The following CACNB3 variants were observed in gnomAD, a reference collection of about 807,000 sequenced individuals.
CACNB3 encodes the protein calcium voltage-gated channel auxiliary subunit beta 3, also known as voltage-dependent L-type calcium channel subunit beta-3.
A neutral mutation model predicts 63.7 loss-of-function variants in CACNB3; 36 were observed. The observed-to-expected ratio is 0.57, with a 90% CI of 0.43 to 0.75. The LOEUF is 0.75. Ranked by LOEUF, CACNB3 falls within the 30% of genes least tolerant of loss-of-function variation. The pLI, the probability that CACNB3 is intolerant of heterozygous loss-of-function variation, is 0.00. For missense variants in CACNB3, 493 were observed against 648.6 expected, an observed-to-expected ratio of 0.76 and a Z score of 2.61; for synonymous variants, 241 against 250.6, an observed-to-expected ratio of 0.96 and a Z score of 0.36.
rs138031405 is a variant in CACNB3, at chr12:48,827,436, G to A, written c.1141-149G>A. On this transcript the variant is annotated intron_variant, in intron 12 of 12. Transcript: ENST00000301050. Reference sequence around the variant, plus strand: ...AGTCGAAGCTCCAGTTTTCTCTCTCGGAAGAGGAAAAATGCTCCAGCATGC... The same window carrying A: ...AGTCGAAGCTCCAGTTTTCTCTCTCAGAAGAGGAAAAATGCTCCAGCATGC... The A allele has an allele frequency of 2.0e-4, 167 of 853,762 alleles. 1 individual carries two copies. The African/African-American group carries it at 2.6e-3, about 13-fold the overall frequency. The allele number at this position is 853,762 out of a possible 1,614,324, so 52.9% of individuals were successfully genotyped here. A position where few individuals can be genotyped will look rare whatever the true frequency, so the allele number is the denominator to read the frequency against.
chr12:48,818,773 C>G lies in CACNB3; in HGVS notation c.-157C>G, dbSNP rs961853594. On this transcript the variant is annotated 5_prime_UTR_variant, in exon 1 of 13. Transcript: ENST00000301050. The surrounding 1 kb of genome is among the most constrained non-coding windows in gnomAD (Gnocchi z 4.3). Reference sequence around the variant, plus strand: ...CTGAGCTCCGAGCAGCTGGTCTTCGCGGCTCGCTCCCTCCTTCGCGCTCTC... The same window carrying G: ...CTGAGCTCCGAGCAGCTGGTCTTCGGGGCTCGCTCCCTCCTTCGCGCTCTC... The G allele has an allele frequency of 8.9e-6, 12 of 1,345,964 alleles. No homozygotes were observed. Among genetic ancestry groups the G allele is most frequent in the Middle Eastern group, 5.6e-4 (2 of 3,552 alleles). The allele number at this position is 1,345,964 out of a possible 1,614,324, so 83.4% of individuals were successfully genotyped here.
In CACNB3 at chr12:48,824,255, C is replaced by A. The variant is rs942572860; in HGVS notation, c.292-3C>A. 1 of 1,609,906 alleles carries A rather than the reference C, an allele frequency of 6.2e-7. No individual in the cohort carries two copies. The highest frequency in any genetic ancestry group is 1.3e-5 in the African/African-American group (1 of 74,848). ...CACCCCTTCCTGCTCCACCTGCCCC[C>A]AGAAGTACAGCAATGACTGGTGGAT... On this transcript the variant is annotated splice_polypyrimidine_tract_variant and splice_region_variant and intron_variant, in intron 3 of 12. Coordinates refer to ENST00000301050, the MANE Select transcript of CACNB3 (RefSeq NM_000725.4).
chr12:48,818,362 G>A, upstream of CACNB3: 2 of 749,564 alleles, frequency 2.7e-6, no homozygotes, highest in Non-Finnish European at 3.3e-6. The surrounding 1 kb of genome is among the most constrained non-coding windows in gnomAD (Gnocchi z 4.3). Flanking sequence ...CGGTCTCAGC[G>A]CCCCCTCCCT....
upstream of CACNB3, chr12:48,815,468 A>C: frequency 8.8e-7 from 1 of 1,141,758 alleles, no homozygotes; most frequent in Non-Finnish European, 1.2e-6. Flanking sequence ...CCAGAGACTG[A>C]CAGAGGCGGC....
upstream of CACNB3, among the ~76,000 whole-genome samples, chr12:48,818,126 G>A (rs572409596): frequency 1.1e-4 from 17 of 152,310 alleles, no homozygotes; most frequent in Admixed American, 3.3e-4. The surrounding 1 kb of genome is among the most constrained non-coding windows in gnomAD (Gnocchi z 4.3). Flanking sequence ...ATTCCTCCCC[G>A]GGACCACTGC....
At position 48,825,378 on chromosome 12, in the gene CACNB3, T is replaced by G. The variant is rs1398074349; in HGVS notation, c.574-56T>G. ...AGCGCATTGACTCTGGGGCCATGCATGGGGAGGCTGCTTCTCTCCAAAGGG... is the reference window on the plus strand; with the variant it reads ...AGCGCATTGACTCTGGGGCCATGCAGGGGGAGGCTGCTTCTCTCCAAAGGG... On this transcript the variant is annotated intron_variant, in intron 7 of 12. Coordinates refer to ENST00000301050, the MANE Select transcript of CACNB3 (RefSeq NM_000725.4). This position sits in a 1 kb window ranked among gnomAD's most constrained non-coding sequence, Gnocchi z 4.5. 6.2e-7 allele frequency: 1 copy of G among 1,601,312 alleles called. No individual in the cohort carries two copies. The highest frequency in any genetic ancestry group is 8.6e-7 in the Non-Finnish European group (1 of 1,168,526).
At chr12:48,814,842 C>A (rs377304692), upstream of CACNB3, 3 of 355,956 alleles carry the variant, frequency 8.4e-6, no homozygotes, top group East Asian at 4.1e-5. This position sits in a 1 kb window ranked among gnomAD's most constrained non-coding sequence, Gnocchi z 6.9. Flanking sequence ...CGCGTGTAGC[C>A]GCCGGGCCAG....
intron 12 of CACNB3, 73 bp from the exon 13 acceptor site, chr12:48,827,512 A>T: frequency 7.5e-7 from 1 of 1,340,752 alleles, no homozygotes; most frequent in Non-Finnish European, 1.0e-6. Flanking sequence ...TGAGGGGGGA[A>T]GAATCTCGCA....
chr12:48,827,627 C>T lies in CACNB3; in HGVS notation c.1183C>T (p.Leu395Phe). ...LGERGEEHSP[L>F]ERDSLMPSDE... ...GGAGCGTGGCGAGGAGCACTCCCCC[C>T]TTGAGCGGGACAGCTTGATGCCCTC... Residue 395 changes from leucine to phenylalanine, a missense_variant, in exon 13 of 13, where the codon CTT becomes TTT. By Grantham distance (22) the Leu-to-Phe change is conservative (BLOSUM62 0). Coordinates refer to ENST00000301050, the MANE Select transcript of CACNB3 (RefSeq NM_000725.4). 1 of 1,613,610 alleles carries T rather than the reference C, an allele frequency of 6.2e-7. No homozygotes were observed. Among genetic ancestry groups the T allele is most frequent in the Non-Finnish European group, 8.5e-7 (1 of 1,179,952 alleles).
Position 48,819,093 on chromosome 12 carries a change from G to C in CACNB3, c.45+119G>C, listed in dbSNP as rs1358389064. ...CTCAGTGGCAGGGCAGGGTTTGTAG[G>C]GGGGCGCTCTAAGAACGTGGGGAGA... On this transcript the variant is annotated intron_variant, in intron 1 of 12. Coordinates refer to ENST00000301050, the MANE Select transcript of CACNB3 (RefSeq NM_000725.4). 3 of 1,041,076 alleles carry C rather than the reference G, an allele frequency of 2.9e-6. No individual in the cohort carries two copies. In the East Asian group the frequency reaches 8.3e-5, roughly 29 times the overall value. The allele number at this position is 1,041,076 out of a possible 1,614,324, so 64.5% of individuals were successfully genotyped here.
chr12:48,824,714 C>T lies in CACNB3; in HGVS notation c.453C>T (p.Arg151=). 6.2e-7 allele frequency: 1 copy of T among 1,613,826 alleles called. No homozygotes were observed. The highest frequency in any genetic ancestry group is 8.5e-7 in the Non-Finnish European group (1 of 1,179,992). Residue 151 remains arginine, a synonymous_variant, in exon 5 of 13, where the codon CGC becomes CGT. Transcript: ENST00000301050. Reference sequence around the variant, plus strand: ...GCCTGAGTGACATTGGCAACCGACGCTCCCCTCCGCCATCTCTAGGTAGCC... The same window carrying T: ...GCCTGAGTGACATTGGCAACCGACGTTCCCCTCCGCCATCTCTAGGTAGCC... ...PSSLSDIGNR[R]SPPPSLAKQK...
intron 1 of CACNB3, among the ~76,000 whole-genome samples, chr12:48,819,245 T>A (rs1445730336): frequency 6.7e-6 from 1 of 150,202 alleles, no homozygotes; most frequent in Non-Finnish European, 1.5e-5. Flanking sequence ...GAAAGAGGGG[T>A]GGGAGAAGGC....
Position 48,825,412 on chromosome 12 carries a change from T to G in CACNB3, c.574-22T>G. The G allele has an allele frequency of 6.2e-7, 1 of 1,613,742 alleles. No individual in the cohort carries two copies. Among genetic ancestry groups the G allele is most frequent in the Non-Finnish European group, 8.5e-7 (1 of 1,179,628 alleles). Reference sequence around the variant, plus strand: ...TGCTTCTCTCCAAAGGGGCCCTTCATCAGTGCCATGCCTTCCCCCAGGTCA... The same window carrying G: ...TGCTTCTCTCCAAAGGGGCCCTTCAGCAGTGCCATGCCTTCCCCCAGGTCA... On this transcript the variant is annotated intron_variant, in intron 7 of 12. Coordinates refer to ENST00000301050, the MANE Select transcript of CACNB3 (RefSeq NM_000725.4). This position sits in a 1 kb window ranked among gnomAD's most constrained non-coding sequence, Gnocchi z 4.5.
chr12:48,814,874 C>G, upstream of CACNB3: 1 of 312,852 alleles, frequency 3.2e-6, no homozygotes. The surrounding 1 kb of genome is among the most constrained non-coding windows in gnomAD (Gnocchi z 6.9). Flanking sequence ...GGCGCTGCAG[C>G]GGGTCGAGAA....
chr12:48,824,556 G>C lies in CACNB3; in HGVS notation c.408-113G>C. On this transcript the variant is annotated intron_variant, in intron 4 of 12. Transcript: ENST00000301050. The stretch of plus-strand genomic sequence containing the variant: ...ACACACACATATTGCATGTACACCT[G>C]TCTCACTAGATAAAGCATATGGAAT... 4.3e-6 allele frequency: 5 copies of C among 1,156,742 alleles called. No individual in the cohort carries two copies. In the South Asian group the frequency reaches 7.0e-5, roughly 16 times the overall value. The allele number at this position is 1,156,742 out of a possible 1,614,324, so 71.7% of individuals were successfully genotyped here.
rs1320089422 is a variant in CACNB3, at chr12:48,828,119, C to T, written c.*220C>T. The T allele has an allele frequency of 3.4e-6, 2 of 589,950 alleles. No individual in the cohort carries two copies. The highest frequency in any genetic ancestry group is 6.1e-6 in the Non-Finnish European group (2 of 330,334). 36.5% of individuals were successfully genotyped at this position (589,950 alleles called of 1,614,324 possible). ...AGTGACCCCTACTAGGCTCCCATTC[C>T]AGGTACTAGCTGTGTGTTCTGCACC... On this transcript the variant is annotated 3_prime_UTR_variant, in exon 13 of 13. Transcript: ENST00000301050.
chr12:48,825,313 TG>T lies in CACNB3; in HGVS notation c.573+72del. The stretch of plus-strand genomic sequence containing the variant: ...TGCCACAGGAAGTCCCTAGGGAAAG[TG>T]GAAGGGGTGTGTCTCCTCCGTCCAG... On this transcript the variant is annotated intron_variant, in intron 7 of 12. Transcript: ENST00000301050. The surrounding 1 kb of genome is among the most constrained non-coding windows in gnomAD (Gnocchi z 4.5). 5 of 1,575,252 alleles carry T rather than the reference TG, an allele frequency of 3.2e-6. No homozygotes were observed. The highest frequency in any genetic ancestry group is 4.4e-6 in the Non-Finnish European group (5 of 1,146,222).
chr12:48,823,301 T>C lies in CACNB3; in HGVS notation c.46-43T>C. ...TGAGGAGGGTGCCTCCATGGCATCC[T>C]TCATGCCGGAGCCTGGGAGTCACAG... On this transcript the variant is annotated intron_variant, in intron 1 of 12. Transcript: ENST00000301050. The surrounding 1 kb of genome is among the most constrained non-coding windows in gnomAD (Gnocchi z 4.2). 1 of 1,604,448 alleles carries C rather than the reference T, an allele frequency of 6.2e-7. No homozygotes were observed. The highest frequency in any genetic ancestry group is 1.7e-5 in the Admixed American group (1 of 58,810).
chr12:48,815,742 G>T (rs758791546), upstream of CACNB3: 4 of 1,402,986 alleles, frequency 2.9e-6, no homozygotes, highest in Non-Finnish European at 3.9e-6. Flanking sequence ...ACCGTGGGGG[G>T]GGTGTGGGGT....
Sources: allele counts gnomAD v4.1 joint callset (sites outside exome capture counted in the v4.1 genomes callset), GRCh38; gene constraint gnomAD v4.1.1; non-coding constraint Gnocchi (gnomAD v3.1); transcripts MANE v1.5; gene names NCBI Gene and HGNC (gene_info 2026-07-23, HGNC 2026-07-21).